Variants in ARHGEF12 observed in about 807,000 individuals in gnomAD.
ARHGEF12 encodes Rho guanine nucleotide exchange factor 12.
Under a neutral mutation model 211.2 loss-of-function variants are expected in ARHGEF12, and 66 were observed. That is an observed-to-expected ratio of 0.31 (90% confidence interval 0.26 to 0.38). The LOEUF (loss-of-function observed/expected upper bound fraction) is 0.38. ARHGEF12 is among the 10% of genes least tolerant of loss of function. ARHGEF12 has a pLI of 1.00. For missense variants in ARHGEF12, 1,429 were observed against 1,869.5 expected, an observed-to-expected ratio of 0.76 and a Z score of 4.34; for synonymous variants, 592 against 638.4, an observed-to-expected ratio of 0.93 and a Z score of 1.09.
chr11:120,452,952 A>G (rs1231909407), intron 22 of ARHGEF12, among the ~76,000 whole-genome samples: 1 of 150,814 alleles, frequency 6.6e-6, no homozygotes, highest in Non-Finnish European at 1.5e-5. Context: ...GTGAGCCAAG[A>G]TCGTGCCAAT....
intron 12 of ARHGEF12, chr11:120,439,832 G>A (rs1264958277): frequency 2.4e-5 from 6 of 254,626 alleles, no homozygotes; most frequent in African/African-American, 1.3e-4. Context: ...TGTACAGAAA[G>A]TGTTAAAGTC....
At chr11:120,357,724 C>T (rs1263585498) in intron 1 of ARHGEF12, among the ~76,000 whole-genome samples, 7 of 152,116 alleles carry the variant, frequency 4.6e-5, no homozygotes, top group African/African-American at 1.2e-4. Flanking sequence ...CACGTGCCAC[C>T]GCAGCTGGCT....
chr11:120,472,067 GAAATA>G (rs1343365930), intron 30 of ARHGEF12, among the ~76,000 whole-genome samples: 1 of 152,066 alleles, frequency 6.6e-6, no homozygotes, highest in Non-Finnish European at 1.5e-5. Flanking sequence ...ATAAAAAAAT[GAAATA>G]ACTCTCTATA....
At chr11:120,408,278 G>A (rs1394793357) in intron 3 of ARHGEF12, 1 of 152,488 alleles carries the variant, frequency 6.6e-6, no homozygotes, top group African/African-American at 2.4e-5. Flanking sequence ...TCATTTTAGA[G>A]TAAACAAATG....
At chr11:120,380,358 A>G (rs1292260794) in intron 1 of ARHGEF12, among the ~76,000 whole-genome samples, 1 of 152,050 alleles carries the variant, frequency 6.6e-6, no homozygotes, top group East Asian at 1.9e-4. Flanking sequence ...CTTCATTTGG[A>G]TTTTTCCAGC....
chr11:120,440,612 T>C (rs1432383230), intron 13 of ARHGEF12, among the ~76,000 whole-genome samples: 1 of 152,172 alleles, frequency 6.6e-6, no homozygotes, highest in Non-Finnish European at 1.5e-5. Flanking sequence ...TAAAAATAAG[T>C]CTTTTGGAGT....
chr11:120,454,969 G>A (rs982267663), intron 22 of ARHGEF12, among the ~76,000 whole-genome samples: 7 of 152,122 alleles, frequency 4.6e-5, no homozygotes, highest in African/African-American at 1.7e-4. Flanking sequence ...ACCCCTGAGG[G>A]GAGAAATATC....
rs1947366364 is a variant in ARHGEF12, at chr11:120,485,139, AC to A, written c.*63del. 1.2e-5 allele frequency: 19 copies of A among 1,600,636 alleles called. No individual in the cohort carries two copies. Among genetic ancestry groups the A allele is most frequent in the Admixed American group, 1.7e-5 (1 of 59,900 alleles). On this transcript the variant is annotated 3_prime_UTR_variant, in exon 41 of 41. Coordinates refer to ENST00000397843, the MANE Select transcript of ARHGEF12 (RefSeq NM_015313.3). ...TTTGGAGTATCGGCCGTGTCTCACC[AC>A]ATCCTGGCTCCAGTGTGGATGCAGA... is the stretch of plus-strand genomic sequence containing the variant.
intron 1 of ARHGEF12, among the ~76,000 whole-genome samples, chr11:120,339,374 C>T (rs2135221223): frequency 6.6e-6 from 1 of 152,198 alleles, no homozygotes; most frequent in Non-Finnish European, 1.5e-5. Context: ...AGTATTATTT[C>T]TCTGCCAAGG....
chr11:120,430,177 A>G (rs1382616450), intron 10 of ARHGEF12, among the ~76,000 whole-genome samples: 4 of 151,992 alleles, frequency 2.6e-5, no homozygotes, highest in African/African-American at 9.7e-5. Context: ...GGCAGTTGAT[A>G]TGTTTTTAAA....
At chr11:120,350,480 AC>A (rs1296154618) in intron 1 of ARHGEF12, among the ~76,000 whole-genome samples, 1 of 150,694 alleles carries the variant, frequency 6.6e-6, no homozygotes, top group African/African-American at 2.4e-5. Context: ...ACGCCACTGC[AC>A]TCCAGCCTGG....
chr11:120,364,570 G>A (rs1943371358), intron 1 of ARHGEF12, among the ~76,000 whole-genome samples: 1 of 152,178 alleles, frequency 6.6e-6, no homozygotes, highest in South Asian at 2.1e-4. Flanking sequence ...TAAGTCTGGT[G>A]CCTCTGAAGA....
At chr11:120,446,839 C>T (rs1946061918) in intron 17 of ARHGEF12, 109 bp from the exon 18 acceptor site, 2 of 1,372,588 alleles carry the variant, frequency 1.5e-6, no homozygotes, top group Non-Finnish European at 2.0e-6. Flanking sequence ...GGAAAAGTGA[C>T]ATTTTTCCTG....
chr11:120,449,012 A>T, intron 20 of ARHGEF12, 97 bp from the exon 21 acceptor site: 1 of 1,030,980 alleles, frequency 9.7e-7, no homozygotes, highest in Non-Finnish European at 1.4e-6. Context: ...TTTACACTTA[A>T]CAATTTCTTT....
In ARHGEF12 at chr11:120,344,057, A is replaced by G. The variant is rs78830712; in HGVS notation, c.32+6782A>G. Among the ~76,000 whole-genome samples, 1,273 of 152,062 alleles carry G rather than the reference A, an allele frequency of 8.4e-3. 82 individuals carry two copies. The South Asian group carries it at 0.16, about 19-fold the overall frequency. ...GAGGTGGGCGGATCACTTGAGGTCA[A>G]GAGTTCAAGACTAGCCTGGTCAGCA... On this transcript the variant is annotated intron_variant, in intron 1 of 40. Transcript: ENST00000397843.
chr11:120,465,012 G>GAA (rs757615932), intron 27 of ARHGEF12: 46 of 438,902 alleles, frequency 1.0e-4, no homozygotes, highest in South Asian at 1.7e-4. Context: ...TCAAAAAAAA[G>GAA]AAAAAAAAAA....
intron 1 of ARHGEF12, among the ~76,000 whole-genome samples, chr11:120,351,793 A>C (rs543273706): frequency 6.6e-6 from 1 of 152,018 alleles, no homozygotes; most frequent in Non-Finnish European, 1.5e-5. Context: ...TATTGAGTAC[A>C]TATTAAGTAC....
intron 26 of ARHGEF12, 45 bp downstream of exon 26, chr11:120,459,365 G>C (rs1653141613): frequency 1.3e-6 from 2 of 1,580,334 alleles, no homozygotes; most frequent in African/African-American, 2.7e-5. Context: ...ATTTCCAATA[G>C]AGAAAAGATT....
chr11:120,454,350 A>G (rs1242425573), intron 22 of ARHGEF12, among the ~76,000 whole-genome samples: 1 of 152,244 alleles, frequency 6.6e-6, no homozygotes, highest in Admixed American at 6.5e-5. Flanking sequence ...TAATCTGATA[A>G]TAGACAAGAA....
Sources: gnomAD v4.1 joint callset for allele counts (sites outside exome capture counted in the v4.1 genomes callset) on GRCh38, gnomAD v4.1.1 for gene constraint, MANE v1.5 for transcripts, NCBI Gene and HGNC (gene_info 2026-07-23, HGNC 2026-07-21) for gene names.